The following DENND1A variants were observed in gnomAD, a reference collection of about 807,000 sequenced individuals.
The protein encoded by DENND1A is DENN domain containing 1A.
Under a neutral mutation model 113.7 loss-of-function variants are expected in DENND1A, and 51 were observed. That is an observed-to-expected ratio of 0.45 (90% CI 0.36 to 0.57). The LOEUF is 0.57. Ranked by LOEUF, DENND1A falls within the 20% of genes least tolerant of loss-of-function variation. DENND1A has a pLI of 0.00. For missense variants in DENND1A, 1,258 were observed against 1,395.9 expected (o/e 0.90, Z 1.57); for synonymous variants, 565 against 570.8 (o/e 0.99, Z 0.14).
At chr9:123,401,746 C>T (rs993795240) in intron 21 of DENND1A, 27 of 1,608,450 alleles carry the variant, frequency 1.7e-5, no homozygotes, top group South Asian at 1.3e-4. Flanking sequence ...TATCAGACAC[C>T]GGCTCTTTGG....
At chr9:123,604,480 C>T (rs916029858) in intron 11 of DENND1A, among the ~76,000 whole-genome samples, 3 of 152,124 alleles carry the variant, frequency 2.0e-5, no homozygotes, top group African/African-American at 7.2e-5. Flanking sequence ...ACATGGTGCC[C>T]CGTACACAGA....
chr9:123,397,857 G>C (rs1344803934), intron 21 of DENND1A, among the ~76,000 whole-genome samples: 2 of 152,190 alleles, frequency 1.3e-5, no homozygotes, highest in Admixed American at 1.3e-4. Context: ...AAGTGAGCTG[G>C]GCAGCAGCCC....
chr9:123,570,378 G>A (rs1020523490), intron 12 of DENND1A, among the ~76,000 whole-genome samples: 2 of 152,172 alleles, frequency 1.3e-5, no homozygotes, highest in Non-Finnish European at 2.9e-5. Context: ...GAGATGGGCA[G>A]AAAGTGGATT....
At chr9:123,861,230 C>A (rs372976761) in intron 2 of DENND1A, among the ~76,000 whole-genome samples, 5 of 152,120 alleles carry the variant, frequency 3.3e-5, no homozygotes, top group African/African-American at 2.4e-5. Context: ...AAGAAAAATT[C>A]TCCTTCAAAT....
intron 12 of DENND1A, among the ~76,000 whole-genome samples, chr9:123,560,894 G>A (rs182157907): frequency 6.6e-6 from 1 of 152,098 alleles, no homozygotes; most frequent in African/African-American, 2.4e-5. Flanking sequence ...ACAGTGATGA[G>A]AGCCCCTGAG....
intron 19 of DENND1A, chr9:123,413,272 A>G (rs1445855054): frequency 2.4e-6 from 1 of 418,972 alleles, no homozygotes; most frequent in Non-Finnish European, 3.2e-6. Context: ...CCTCAGTAAT[A>G]ATTTTTAGAT....
In DENND1A at chr9:123,583,151, C is replaced by T. The variant is rs762411729; in HGVS notation, c.867+18G>A. The stretch of plus-strand genomic sequence containing the variant: ...CAGGAGCTCACAGAAGTGAGATCCT[C>T]GCAAGCTCATTACCTACCACGTCGT... On this transcript the variant is annotated intron_variant, in intron 12 of 23. Coordinates refer to ENST00000394215, the MANE Select transcript of DENND1A (RefSeq NM_001352964.2). 9 of 1,582,514 alleles carry T rather than the reference C, an allele frequency of 5.7e-6. No individual in the cohort carries two copies. The highest frequency in any genetic ancestry group is 2.3e-5 in the East Asian group (1 of 44,172).
At position 123,764,923 on chromosome 9, in the gene DENND1A, T is replaced by C. The variant is rs1358131590; in HGVS notation, c.182+4591A>G. On this transcript the variant is annotated intron_variant, in intron 4 of 23. Coordinates refer to ENST00000394215, the MANE Select transcript of DENND1A (RefSeq NM_001352964.2). This position sits in a 1 kb window ranked among gnomAD's most constrained non-coding sequence, Gnocchi z 4.1. ...CCAGCTGCTTCGTTGTCATCAACAC[T>C]GTAGAAAATAATCATGGGGCACAGC... is the stretch of plus-strand genomic sequence containing the variant. 6.6e-6 allele frequency among the ~76,000 whole-genome samples: 1 copy of C among 152,094 alleles called. No individual in the cohort carries two copies. Among genetic ancestry groups the C allele is most frequent in the Non-Finnish European group, 1.5e-5 (1 of 68,030 alleles).
intron 3 of DENND1A, among the ~76,000 whole-genome samples, chr9:123,773,305 G>T (rs984130243): frequency 1.3e-5 from 2 of 152,086 alleles, no homozygotes; most frequent in Non-Finnish European, 2.9e-5. Context: ...CACACCTAAC[G>T]CTGGATACAC....
intron 5 of DENND1A, among the ~76,000 whole-genome samples, chr9:123,730,738 C>A (rs2130857946): frequency 6.6e-6 from 1 of 152,242 alleles, no homozygotes; most frequent in East Asian, 1.9e-4. Flanking sequence ...CCATTTGACC[C>A]AGCAATCCCA....
intron 21 of DENND1A, among the ~76,000 whole-genome samples, chr9:123,395,265 C>G (rs1340862907): frequency 6.6e-6 from 1 of 152,038 alleles, no homozygotes; most frequent in Non-Finnish European, 1.5e-5. Flanking sequence ...GGGAAAAGTC[C>G]TTCCCTCTGA....
intron 5 of DENND1A, among the ~76,000 whole-genome samples, chr9:123,711,275 G>A (rs962175251): frequency 6.6e-6 from 1 of 151,060 alleles, no homozygotes; most frequent in Admixed American, 6.6e-5. Flanking sequence ...AACCAGCCTG[G>A]CCAACATGGT....
At chr9:123,631,286 A>G (rs1164524119) in intron 9 of DENND1A, among the ~76,000 whole-genome samples, 2 of 151,878 alleles carry the variant, frequency 1.3e-5, no homozygotes, top group Non-Finnish European at 2.9e-5. Context: ...TTTTACTTTT[A>G]TTTTTATTCT....
chr9:123,386,285 CTT>C (rs1203641767), intron 22 of DENND1A, among the ~76,000 whole-genome samples: 1 of 151,344 alleles, frequency 6.6e-6, no homozygotes, highest in Non-Finnish European at 1.5e-5. Context: ...ATTTTAAAAT[CTT>C]TTGAAAAAAA....
chr9:123,795,458 G>A (rs545781295), intron 2 of DENND1A, among the ~76,000 whole-genome samples: 1 of 152,154 alleles, frequency 6.6e-6, no homozygotes, highest in East Asian at 1.9e-4. Flanking sequence ...CACAACACCC[G>A]CCTTACTAAC....
chr9:123,674,393 CAAT>C, intron 6 of DENND1A, among the ~76,000 whole-genome samples: 2 of 139,004 alleles, frequency 1.4e-5, no homozygotes, highest in Non-Finnish European at 3.2e-5. Flanking sequence ...CACACACACA[CAAT>C]AGAAGCCTAT....
rs113794177 is a variant in DENND1A at position 123,464,016 on chromosome 9, T to C, written c.994-6119A>G. ...GGTTGATAGGTATAGCAAACCACCA[T>C]GGCACATGTTTACCTGTGTAATAAA... On this transcript the variant is annotated intron_variant, in intron 13 of 23. Transcript: ENST00000394215. 7.2e-5 allele frequency among the ~76,000 whole-genome samples: 11 copies of C among 152,266 alleles called. No individual in the cohort carries two copies. The South Asian group carries it at 1.2e-3, about 17-fold the overall frequency.
intron 10 of DENND1A, among the ~76,000 whole-genome samples, chr9:123,629,830 TTTTGTCCCCAG>T (rs1275235457): frequency 1.3e-5 from 2 of 152,138 alleles, no homozygotes; most frequent in African/African-American, 4.8e-5. Flanking sequence ...TCTCAATTGT[TTTTGTCCCCAG>T]TTTACAATTT....
intron 13 of DENND1A, among the ~76,000 whole-genome samples, chr9:123,543,628 C>T (rs904771375): frequency 2.6e-5 from 4 of 152,206 alleles, no homozygotes; most frequent in African/African-American, 9.7e-5. Context: ...AGTACCCGAC[C>T]GTGCCACATG....
Sources: allele counts gnomAD v4.1 joint callset (sites outside exome capture counted in the v4.1 genomes callset), GRCh38; gene constraint gnomAD v4.1.1; non-coding constraint Gnocchi (gnomAD v3.1); transcripts MANE v1.5; gene names NCBI Gene and HGNC (gene_info 2026-07-23, HGNC 2026-07-21).